Variants in SLC2A14 observed in about 807,000 individuals in gnomAD.
The protein encoded by SLC2A14 is solute carrier family 2 member 14.
In SLC2A14, 13 loss-of-function variants were observed where a neutral mutation model predicts 43.0. The observed-to-expected ratio is 0.30, with a 90% confidence interval of 0.20 to 0.48. The LOEUF (loss-of-function observed/expected upper bound fraction) is 0.48, where lower values mean the gene tolerates loss of function less well. Ranked by LOEUF, SLC2A14 falls within the 20% of genes least tolerant of loss-of-function variation. The pLI is 0.99. For synonymous variants in SLC2A14, 190 were observed against 233.8 expected (o/e 0.81, Z 1.71); for missense variants, 428 against 620.4 (o/e 0.69, Z 3.29).
intron 2 of SLC2A14, chr12:7,860,690 TG>T (rs1331845650): frequency 6.6e-6 from 1 of 152,614 alleles, no homozygotes; most frequent in Admixed American, 6.5e-5. Flanking sequence ...AATCCACAGA[TG>T]ACTCACTGCC....
chr12:7,835,012 T>C (rs1865327692), intron 2 of SLC2A14, among the ~76,000 whole-genome samples: 2 of 151,662 alleles, frequency 1.3e-5, no homozygotes, highest in Non-Finnish European at 2.9e-5. Flanking sequence ...AGGGATTAAG[T>C]ATGTCAGGAT....
chr12:7,886,342 AT>A (rs1945689478), intron 1 of SLC2A14, among the ~76,000 whole-genome samples: 1 of 752 alleles, frequency 1.3e-3, no homozygotes, highest in Non-Finnish European at 6.6e-3. Context: ...AATTTTTAAA[AT>A]TTATTTATTT....
intron 1 of SLC2A14, among the ~76,000 whole-genome samples, chr12:7,881,621 C>T (rs192498789): frequency 7.9e-5 from 12 of 152,280 alleles, no homozygotes; most frequent in East Asian, 7.7e-4. Flanking sequence ...CTGCTCCACG[C>T]GCCCAGTCCC....
At position 7,814,674 on chromosome 12, in the gene SLC2A14, A is replaced by G. The variant is rs777883757; in HGVS notation, c.1276-140T>C. 1.8e-4 allele frequency: 170 copies of G among 954,176 alleles called. No homozygotes were observed. In the African/African-American group the frequency reaches 2.1e-3, roughly 12 times the overall value. The allele number at this position is 954,176 out of a possible 1,614,324, so 59.1% of individuals were successfully genotyped here. ...AATGAAAACATAAAGGTTTCTTCAGAGATTTACTTATGATTCTATTGCTAA... is the reference window on the plus strand; with the variant it reads ...AATGAAAACATAAAGGTTTCTTCAGGGATTTACTTATGATTCTATTGCTAA... On this transcript the variant is annotated intron_variant, in intron 10 of 10. Transcript: ENST00000431042.
At chr12:7,817,636 G>A (rs977639735) in intron 10 of SLC2A14, among the ~76,000 whole-genome samples, 195 bp downstream of exon 10, 9 of 152,050 alleles carry the variant, frequency 5.9e-5, no homozygotes, top group African/African-American at 1.4e-4. Flanking sequence ...GCACGGTGGC[G>A]GGTGCCTGTA....
intron 7 of SLC2A14, among the ~76,000 whole-genome samples, chr12:7,826,394 AG>A (rs1864359510): frequency 6.6e-6 from 1 of 152,124 alleles, no homozygotes; most frequent in African/African-American, 2.4e-5. Context: ...ACCCCTCACA[AG>A]AAGCACTGCC....
chr12:7,843,176 G>T lies in SLC2A14; in HGVS notation c.19-10362C>A, dbSNP rs149742690. On this transcript the variant is annotated intron_variant, in intron 2 of 10. Transcript: ENST00000431042. The stretch of plus-strand genomic sequence containing the variant: ...TAGTCAGCTGACCAATCCTTCCTGA[G>T]AAATAAATGTTCTTTTTCACCCTTT... Among the ~76,000 whole-genome samples, 1,129 of 143,650 alleles carry T rather than the reference G, an allele frequency of 7.9e-3. 14 individuals are homozygous for T. The highest frequency in any genetic ancestry group is 0.027 in the African/African-American group (1,073 of 40,202). The allele number at this position is 143,650 out of a possible 152,430, so 94.2% of individuals were successfully genotyped here. A position where few individuals can be genotyped will look rare whatever the true frequency, so the allele number is the denominator to read the frequency against.
chr12:7,856,811 C>G (rs150334462), intron 2 of SLC2A14, among the ~76,000 whole-genome samples: 2,500 of 151,656 alleles, frequency 0.016, 41 homozygotes, highest in Middle Eastern at 0.034. Flanking sequence ...TATTAACAAG[C>G]CTTTGAAGTG....
intron 10 of SLC2A14, among the ~76,000 whole-genome samples, chr12:7,814,917 A>C (rs1471968381): frequency 6.6e-6 from 1 of 151,946 alleles, no homozygotes; most frequent in Non-Finnish European, 1.5e-5. Context: ...CTCCTGTCTC[A>C]GCCTCCTGAG....
intron 2 of SLC2A14, among the ~76,000 whole-genome samples, chr12:7,853,429 CAAAAAAAAAAAA>C (rs35414391): frequency 1.2e-5 from 1 of 84,600 alleles, no homozygotes; most frequent in African/African-American, 5.0e-5. Flanking sequence ...GACTCCATTT[CAAAAAAAAAAAA>C]AAAAAAAAAA....
rs190134197 is a variant in SLC2A14 at position 7,832,723 on chromosome 12, G to T, written c.110C>A (p.Thr37Lys). The T allele has an allele frequency of 1.7e-5, 27 of 1,613,592 alleles. No individual in the cohort carries two copies. The highest frequency in any genetic ancestry group is 1.5e-4 in the African/African-American group (11 of 74,884). The change falls in exon 3 of 11, where the codon ACG (threonine) becomes AAG (lysine). Residue 37 changes from threonine (T) to lysine (K), a missense_variant and splice_region_variant. Thr to Lys is a moderately conservative substitution (Grantham distance 78). This residue lies in a region of SLC2A14 where 122 missense variants were observed against 128.8 expected (regional missense o/e 0.95). Coordinates refer to ENST00000431042, the MANE Select transcript of SLC2A14 (RefSeq NM_001286234.2). The stretch of plus-strand genomic sequence containing the variant: ...TAATTCTTGTGGCCTGGCACTCACC[G>T]TCTCAGGAGCATTGATGACCCCAGT... ...YNTGVINAPE[T>K]IIKEFINKTL...
chr12:7,858,174 T>C (rs1944354420), intron 2 of SLC2A14, among the ~76,000 whole-genome samples: 1 of 152,064 alleles, frequency 6.6e-6, no homozygotes, highest in African/African-American at 2.4e-5. Flanking sequence ...CCTTAAATAA[T>C]TCCCTATTGA....
At chr12:7,889,270 G>A (rs745535546) in intron 1 of SLC2A14, among the ~76,000 whole-genome samples, 1 of 126,510 alleles carries the variant, frequency 7.9e-6, no homozygotes, top group East Asian at 2.3e-4. Context: ...TTTCGCTCTT[G>A]TTGTCTAGGC....
chr12:7,867,844 CA>C (rs34320554), intron 2 of SLC2A14, among the ~76,000 whole-genome samples: 53,092 of 111,924 alleles, frequency 0.47, 9,187 homozygotes, highest in East Asian at 0.63. Context: ...GACTCTGTCT[CA>C]AAAAAAAAAA....
intron 1 of SLC2A14, among the ~76,000 whole-genome samples, chr12:7,882,890 TA>T (rs35888324): frequency 0.48 from 71,948 of 148,686 alleles, 17,725 homozygotes; most frequent in Non-Finnish European, 0.55. Context: ...AATTCAAGTT[TA>T]AAAAAAAAAA....
intron 7 of SLC2A14, among the ~76,000 whole-genome samples, chr12:7,821,826 T>TTTC (rs1162736325): frequency 2.0e-4 from 4 of 20,180 alleles, no homozygotes; most frequent in African/African-American, 8.4e-4. Context: ...TATTTCTTTC[T>TTTC]TTTTTTTTTT....
chr12:7,832,757 C>G lies in SLC2A14; in HGVS notation c.76G>C (p.Gly26Arg). 6.2e-7 allele frequency: 1 copy of G among 1,614,122 alleles called. No individual in the cohort carries two copies. Among genetic ancestry groups the G allele is most frequent in the East Asian group, 2.2e-5 (1 of 44,886 alleles). Reference sequence around the variant, plus strand: ...GCATTGATGACCCCAGTGTTGTAGCCAAACTGGAAAGAGCCGATTGTAGCA... The same window carrying G: ...GCATTGATGACCCCAGTGTTGTAGCGAAACTGGAAAGAGCCGATTGTAGCA... ...TVATIGSFQF[G>R]YNTGVINAPE... Residue 26 changes from glycine to arginine, a missense_variant, in exon 3 of 11, where the codon GGC (glycine) becomes CGC (arginine). Physicochemically the swap from Gly to Arg is moderately radical, Grantham distance 125. Around this residue, in one of 4 missense-constraint regions of SLC2A14, gnomAD observed 122 missense variants for 128.8 expected, o/e 0.95. Coordinates refer to ENST00000431042, the MANE Select transcript of SLC2A14 (RefSeq NM_001286234.2).
chr12:7,890,060 C>G (rs1291570690), intron 1 of SLC2A14, among the ~76,000 whole-genome samples: 1 of 152,126 alleles, frequency 6.6e-6, no homozygotes, highest in Non-Finnish European at 1.5e-5. Flanking sequence ...CCTGTTTTAT[C>G]AGCAAGGTCT....
At chr12:7,863,603 CAG>C (rs1214142007) in intron 2 of SLC2A14, 8 of 285,226 alleles carry the variant, frequency 2.8e-5, no homozygotes, top group South Asian at 6.0e-5. Context: ...GCCTGGGTGA[CAG>C]AGTGACTCCA....
Sources: allele counts gnomAD v4.1 joint callset (sites outside exome capture counted in the v4.1 genomes callset), GRCh38; gene constraint gnomAD v4.1.1; regional missense constraint gnomAD v4.1.1; transcripts MANE v1.5; gene names NCBI Gene and HGNC (gene_info 2026-07-23, HGNC 2026-07-21).